YEATS4: variants seen among roughly 807,000 people sequenced by gnomAD.
YEATS4 encodes the protein YEATS domain containing 4, also known as YEATS domain-containing protein 4.
A neutral mutation model predicts 30.1 loss-of-function variants in YEATS4; 17 were observed. The observed-to-expected ratio is 0.56, with a 90% CI of 0.39 to 0.85. The LOEUF is 0.85. Among genes scored for constraint, YEATS4 ranks in the 40% least tolerant of loss-of-function variants. The pLI is 0.00. For synonymous variants in YEATS4, 85 were observed against 87.5 expected, an observed-to-expected ratio of 0.97 and a Z score of 0.16; for missense variants, 142 against 268.3, an observed-to-expected ratio of 0.53 and a Z score of 3.29.
the YEATS4 span, among the ~76,000 whole-genome samples, chr12:69,413,523 C>T: frequency 0.32 from 38,094 of 119,934 alleles, 6,080 homozygotes; most frequent in Non-Finnish European, 0.38. Flanking sequence ...CCCCCCATCT[C>T]CATCCCCCCG....
intron 6 of YEATS4, among the ~76,000 whole-genome samples, chr12:69,387,194 C>G (rs1868262178): frequency 6.6e-6 from 1 of 152,092 alleles, no homozygotes. Flanking sequence ...GAAAACAGAT[C>G]ATTTGTAGAA....
downstream of YEATS4, among the ~76,000 whole-genome samples, chr12:69,394,894 T>C (rs547823232): frequency 1.3e-5 from 2 of 152,294 alleles, no homozygotes; most frequent in South Asian, 4.1e-4. Flanking sequence ...AGATAGAGTA[T>C]CATTTTTTAT....
the YEATS4 span, among the ~76,000 whole-genome samples, chr12:69,418,680 C>G: frequency 6.6e-6 from 1 of 152,080 alleles, no homozygotes; most frequent in Admixed American, 6.6e-5. Context: ...TGTGTGATAG[C>G]ATTAACTCTC....
intron 6 of YEATS4, among the ~76,000 whole-genome samples, chr12:69,372,583 G>A (rs560722937): frequency 1.4e-5 from 2 of 138,016 alleles, no homozygotes; most frequent in Non-Finnish European, 1.5e-5. Flanking sequence ...TGGCCTGGCT[G>A]GAGGGCAGTG....
intron 6 of YEATS4, among the ~76,000 whole-genome samples, chr12:69,375,893 AGAGAGG>A (rs1875854905): frequency 6.6e-6 from 1 of 151,888 alleles, no homozygotes; most frequent in Non-Finnish European, 1.5e-5. Context: ...GAGACCGCGC[AGAGAGG>A]GAGGGGGAGG....
chr12:69,374,616 C>T (rs1875770243), intron 6 of YEATS4, among the ~76,000 whole-genome samples: 1 of 151,712 alleles, frequency 6.6e-6, no homozygotes, highest in Non-Finnish European at 1.5e-5. Context: ...TGCCTTCAAG[C>T]ATCTGTTTAA....
intron 1 of YEATS4, 63 bp downstream of exon 1, chr12:69,360,086 C>T (rs959442090): frequency 1.9e-6 from 3 of 1,570,024 alleles, no homozygotes; most frequent in African/African-American, 1.4e-5. Flanking sequence ...CCCTGCGCGG[C>T]GCGGGGAGGG....
intron 6 of YEATS4, among the ~76,000 whole-genome samples, chr12:69,381,400 C>G (rs1199332523): frequency 1.3e-5 from 2 of 152,186 alleles, no homozygotes; most frequent in East Asian, 3.8e-4. Flanking sequence ...TTGCTGTTAT[C>G]CTGTTCTTTT....
chr12:69,405,878 A>G, the YEATS4 span, among the ~76,000 whole-genome samples: 1 of 152,266 alleles, frequency 6.6e-6, no homozygotes, highest in Non-Finnish European at 1.5e-5. Flanking sequence ...CGGGAGGACC[A>G]CTATATAAAT....
At chr12:69,410,748 C>T in the YEATS4 span, among the ~76,000 whole-genome samples, 1 of 152,170 alleles carries the variant, frequency 6.6e-6, no homozygotes, top group South Asian at 2.1e-4. Context: ...AACTGACAAG[C>T]TATTCCCCCA....
the YEATS4 span, among the ~76,000 whole-genome samples, chr12:69,411,816 G>A: frequency 6.6e-6 from 1 of 152,230 alleles, no homozygotes; most frequent in Non-Finnish European, 1.5e-5. Flanking sequence ...CATTCCTGGT[G>A]TGTCTGGGGA....
the YEATS4 span, among the ~76,000 whole-genome samples, chr12:69,421,556 G>A: frequency 6.6e-6 from 1 of 152,134 alleles, no homozygotes; most frequent in African/African-American, 2.4e-5. Flanking sequence ...CTAGAGAGGT[G>A]GTCAGGAAGT....
At chr12:69,425,725 C>T in the YEATS4 span, among the ~76,000 whole-genome samples, 3 of 152,160 alleles carry the variant, frequency 2.0e-5, no homozygotes, top group Non-Finnish European at 4.4e-5. Context: ...CAAAGAGAGA[C>T]AGGAGGTGCA....
chr12:69,393,169 T>A (rs1032250641), downstream of YEATS4, among the ~76,000 whole-genome samples: 3 of 152,200 alleles, frequency 2.0e-5, no homozygotes, highest in African/African-American at 7.2e-5. Flanking sequence ...AGAAAATGAC[T>A]GGGCATGGTG....
At chr12:69,424,094 GA>G in the YEATS4 span, among the ~76,000 whole-genome samples, 2 of 152,132 alleles carry the variant, frequency 1.3e-5, no homozygotes, top group South Asian at 4.1e-4. Context: ...ACAAGTTGAA[GA>G]AAGCAGGACA....
chr12:69,426,287 TTTGC>T, the YEATS4 span, among the ~76,000 whole-genome samples: 1 of 152,182 alleles, frequency 6.6e-6, no homozygotes, highest in Non-Finnish European at 1.5e-5. Context: ...TGCCTCCATC[TTTGC>T]TTTCTAGGCT....
the YEATS4 span, among the ~76,000 whole-genome samples, chr12:69,416,792 G>A: frequency 3.9e-5 from 6 of 152,208 alleles, no homozygotes; most frequent in African/African-American, 1.4e-4. Context: ...AAGTTGGTCA[G>A]CCGGTGGCGG....
chr12:69,405,099 C>A, the YEATS4 span, among the ~76,000 whole-genome samples: 1 of 152,218 alleles, frequency 6.6e-6, no homozygotes, highest in Admixed American at 6.5e-5. Flanking sequence ...GCCTGCAGGG[C>A]AGCCCATGTA....
At chr12:69,413,516 C>T in the YEATS4 span, among the ~76,000 whole-genome samples, 1 of 138,456 alleles carries the variant, frequency 7.2e-6, no homozygotes, top group Non-Finnish European at 1.6e-5. Flanking sequence ...CAACGCCCCC[C>T]CCATCTCCAT....
Sources: gnomAD v4.1 joint callset for allele counts (sites outside exome capture counted in the v4.1 genomes callset) on GRCh38, gnomAD v4.1.1 for gene constraint, MANE v1.5 for transcripts, NCBI Gene and HGNC (gene_info 2026-07-23, HGNC 2026-07-21) for gene names.